UBE2R2: variants seen among roughly 807,000 people sequenced by gnomAD.
The protein encoded by UBE2R2 is ubiquitin conjugating enzyme E2 R2.
In UBE2R2, 1 loss-of-function variant was observed where a neutral mutation model predicts 27.8. The ratio of observed to expected loss-of-function variants is 0.04; its 90% CI spans 0.01 to 0.17. The LOEUF is 0.17. UBE2R2 is among the 10% of genes least tolerant of loss of function. The pLI, the probability that UBE2R2 is intolerant of heterozygous loss-of-function variation, is 1.00. For synonymous variants in UBE2R2, 106 were observed against 113.3 expected, an observed-to-expected ratio of 0.94 and a Z score of 0.41; for missense variants, 100 against 291.0, an observed-to-expected ratio of 0.34 and a Z score of 4.78.
Position 33,833,328 on chromosome 9 carries a change from G to C in UBE2R2, c.177+15394G>C, listed in dbSNP as rs142261325. On this transcript the variant is annotated intron_variant, in intron 1 of 4. Transcript: ENST00000263228. ...GATCCGCCTGCCTTGGCCTCCCAAA[G>C]TGCTGGCATTACAGGCGTGAGCCAC... Among the ~76,000 whole-genome samples, 598 of 152,260 alleles carry C rather than the reference G, an allele frequency of 3.9e-3. 2 individuals carry two copies. The highest frequency in any genetic ancestry group is 0.014 in the African/African-American group (578 of 41,552).
At chr9:33,837,174 C>T (rs12378261) in intron 1 of UBE2R2, among the ~76,000 whole-genome samples, 12,011 of 152,164 alleles carry the variant, frequency 0.079, 685 homozygotes, top group Non-Finnish European at 0.12. Flanking sequence ...GGATATAGAA[C>T]AGTCTGAATT....
intron 1 of UBE2R2, among the ~76,000 whole-genome samples, chr9:33,867,781 T>C (rs1821396499): frequency 6.6e-6 from 1 of 152,144 alleles, no homozygotes; most frequent in South Asian, 2.1e-4. Context: ...TAGCTGGGCA[T>C]GGTGGTATGC....
At chr9:33,837,021 G>T (rs1486537805) in intron 1 of UBE2R2, among the ~76,000 whole-genome samples, 1 of 152,044 alleles carries the variant, frequency 6.6e-6, no homozygotes, top group African/African-American at 2.4e-5. Context: ...AGGACTCTGT[G>T]TGTCCCTGAT....
chr9:33,831,670 T>G (rs1157079602), intron 1 of UBE2R2, among the ~76,000 whole-genome samples: 1 of 151,548 alleles, frequency 6.6e-6, no homozygotes, highest in Non-Finnish European at 1.5e-5. Flanking sequence ...TTTTATTTGT[T>G]TGTTTTTGAG....
intron 1 of UBE2R2, among the ~76,000 whole-genome samples, chr9:33,826,145 C>CA (rs36036831): frequency 0.022 from 2,256 of 102,486 alleles, 40 homozygotes; most frequent in African/African-American, 0.063. Context: ...GACTCTGTCT[C>CA]AAAAAAAAAA....
intron 1 of UBE2R2, among the ~76,000 whole-genome samples, chr9:33,857,097 G>T (rs1052290016): frequency 1.3e-5 from 2 of 151,412 alleles, no homozygotes; most frequent in Non-Finnish European, 2.9e-5. Flanking sequence ...GGATTTTGCT[G>T]TGTTGGCAGG....
At chr9:33,874,397 A>T (rs1388405861) in intron 1 of UBE2R2, among the ~76,000 whole-genome samples, 9 of 152,134 alleles carry the variant, frequency 5.9e-5, no homozygotes, top group Non-Finnish European at 8.8e-5. Context: ...CATGTTTATT[A>T]TATCAGTCAT....
chr9:33,849,141 C>A (rs1289503525), intron 1 of UBE2R2, among the ~76,000 whole-genome samples: 1 of 152,034 alleles, frequency 6.6e-6, no homozygotes, highest in Non-Finnish European at 1.5e-5. Context: ...CCTGTAATCC[C>A]AGCTACTCGG....
intron 1 of UBE2R2, among the ~76,000 whole-genome samples, chr9:33,884,229 T>TCTTCCCC: frequency 6.8e-6 from 1 of 146,390 alleles, no homozygotes. Context: ...TCTCTCTCTC[T>TCTTCCCC]CTCTCTTCCC....
intron 4 of UBE2R2, among the ~76,000 whole-genome samples, chr9:33,914,783 C>G (rs546870314): frequency 1.3e-5 from 2 of 150,264 alleles, no homozygotes; most frequent in African/African-American, 4.9e-5. Flanking sequence ...GAGCTGAGAT[C>G]GCGCCACTGC....
intron 1 of UBE2R2, among the ~76,000 whole-genome samples, chr9:33,820,310 C>T (rs1192781876): frequency 6.6e-6 from 1 of 152,098 alleles, no homozygotes. Context: ...TAATCTCGTG[C>T]TTTGTGATGT....
intron 2 of UBE2R2, among the ~76,000 whole-genome samples, chr9:33,887,703 G>T (rs1472168978): frequency 6.6e-6 from 1 of 151,690 alleles, no homozygotes; most frequent in African/African-American, 2.4e-5. Context: ...AGACAGTCTC[G>T]CTCTGTAGCC....
At chr9:33,835,394 G>T (rs1229356919) in intron 1 of UBE2R2, among the ~76,000 whole-genome samples, 1 of 152,014 alleles carries the variant, frequency 6.6e-6, no homozygotes, top group Non-Finnish European at 1.5e-5. Context: ...TGATCCACCT[G>T]CCTCAGCCTC....
chr9:33,859,953 T>G (rs1821192709), intron 1 of UBE2R2, among the ~76,000 whole-genome samples: 1 of 152,040 alleles, frequency 6.6e-6, no homozygotes, highest in Non-Finnish European at 1.5e-5. Flanking sequence ...ACCACAGGCA[T>G]GAACCACCAT....
At chr9:33,822,582 C>T (rs1455723725) in intron 1 of UBE2R2, among the ~76,000 whole-genome samples, 2 of 137,480 alleles carry the variant, frequency 1.5e-5, no homozygotes, top group Non-Finnish European at 3.2e-5. Flanking sequence ...GCATACCACA[C>T]TCGTTTTAAT....
At chr9:33,859,695 ATGATT>A (rs1474554279) in intron 1 of UBE2R2, among the ~76,000 whole-genome samples, 1 of 151,632 alleles carries the variant, frequency 6.6e-6, no homozygotes, top group African/African-American at 2.4e-5. Context: ...TCAAGAAAAT[ATGATT>A]TGGTTATTTA....
chr9:33,822,172 A>G (rs901250190), intron 1 of UBE2R2, among the ~76,000 whole-genome samples: 39 of 147,106 alleles, frequency 2.7e-4, no homozygotes, highest in African/African-American at 8.8e-4. Context: ...GCTCACTGCA[A>G]CCTCCGCCTC....
chr9:33,850,710 A>T (rs920297947), intron 1 of UBE2R2, among the ~76,000 whole-genome samples: 7 of 152,122 alleles, frequency 4.6e-5, no homozygotes, highest in African/African-American at 1.7e-4. Flanking sequence ...TTGTTTATTT[A>T]TAAAAATAGT....
intron 1 of UBE2R2, among the ~76,000 whole-genome samples, chr9:33,883,164 G>T (rs1821769176): frequency 6.6e-6 from 1 of 152,098 alleles, no homozygotes. Context: ...GGTGTCACGT[G>T]TACAAAACTT....
Sources: allele counts gnomAD v4.1 joint callset (sites outside exome capture counted in the v4.1 genomes callset), GRCh38; gene constraint gnomAD v4.1.1; transcripts MANE v1.5; gene names NCBI Gene and HGNC (gene_info 2026-07-23, HGNC 2026-07-21).